Variants in SRGAP3 observed in about 807,000 individuals in gnomAD.
SRGAP3 encodes the protein SLIT-ROBO Rho GTPase activating protein 3, also known as SLIT-ROBO Rho GTPase-activating protein 3.
A neutral mutation model predicts 121.1 loss-of-function variants in SRGAP3; 39 were observed. The ratio of observed to expected loss-of-function variants is 0.32; its 90% confidence interval spans 0.25 to 0.42. The LOEUF (loss-of-function observed/expected upper bound fraction) is 0.42. Ranked by LOEUF, SRGAP3 falls within the 10% of genes least tolerant of loss-of-function variation. The pLI is 1.00. For missense variants in SRGAP3, 1,213 were observed against 1,470.6 expected, an observed-to-expected ratio of 0.82 and a Z score of 2.86; for synonymous variants, 601 against 570.0, an observed-to-expected ratio of 1.05 and a Z score of -0.77.
At chr3:9,104,116 CA>C (rs1213918498) in intron 3 of SRGAP3, among the ~76,000 whole-genome samples, 1 of 152,022 alleles carries the variant, frequency 6.6e-6, no homozygotes, top group Non-Finnish European at 1.5e-5. Flanking sequence ...TGTAATCATT[CA>C]AAATGTTATA....
intron 1 of SRGAP3, among the ~76,000 whole-genome samples, chr3:9,126,020 C>T (rs540830969): frequency 2.6e-5 from 4 of 152,290 alleles, no homozygotes; most frequent in Non-Finnish European, 4.4e-5. Flanking sequence ...TGGTGGCCAG[C>T]GTCATTTCAG....
chr3:9,116,986 C>T (rs1948828774), intron 2 of SRGAP3, among the ~76,000 whole-genome samples: 3 of 152,186 alleles, frequency 2.0e-5, no homozygotes, highest in Non-Finnish European at 4.4e-5. Context: ...GTGTGGGGTG[C>T]TTGGAAGAGT....
chr3:9,132,457 T>C (rs1349235253), intron 1 of SRGAP3, among the ~76,000 whole-genome samples: 1 of 152,226 alleles, frequency 6.6e-6, no homozygotes, highest in Non-Finnish European at 1.5e-5. Flanking sequence ...CCTAATCTTC[T>C]TACTGTCTCT....
At chr3:9,252,318 G>T (rs1414212236), upstream of SRGAP3, among the ~76,000 whole-genome samples, 1 of 151,966 alleles carries the variant, frequency 6.6e-6, no homozygotes, top group Non-Finnish European at 1.5e-5. Flanking sequence ...TTCTCAAGAT[G>T]GGGGTCTCAC....
intron 1 of SRGAP3, among the ~76,000 whole-genome samples, chr3:9,149,083 A>G (rs537797631): frequency 1.3e-4 from 20 of 152,028 alleles, no homozygotes; most frequent in Non-Finnish European, 2.4e-4. Context: ...GCGTGGTGGC[A>G]GGCGCCTGTA....
At chr3:9,038,348 G>A (rs748727689) in intron 10 of SRGAP3, among the ~76,000 whole-genome samples, 7 of 152,158 alleles carry the variant, frequency 4.6e-5, no homozygotes, top group African/African-American at 1.4e-4. Context: ...ACTACAGCCC[G>A]CTGACCACTT....
chr3:9,319,977 C>G (rs189187395), intron 3 of SRGAP3, among the ~76,000 whole-genome samples: 1 of 151,936 alleles, frequency 6.6e-6, no homozygotes, highest in East Asian at 1.9e-4. Context: ...GAGAACAAAG[C>G]TGGTCTCATC....
chr3:9,209,823 A>G (rs1171743454), intron 1 of SRGAP3, among the ~76,000 whole-genome samples: 1 of 152,266 alleles, frequency 6.6e-6, no homozygotes, highest in Non-Finnish European at 1.5e-5. Flanking sequence ...GCCTATGTAC[A>G]CATAGAGATT....
At chr3:9,090,045 A>C (rs964190903) in intron 3 of SRGAP3, among the ~76,000 whole-genome samples, 2 of 152,116 alleles carry the variant, frequency 1.3e-5, no homozygotes, top group South Asian at 2.1e-4. Flanking sequence ...GGACTTCATC[A>C]GTTTACAGGA....
intron 1 of SRGAP3, among the ~76,000 whole-genome samples, chr3:9,238,020 A>G (rs1415457540): frequency 1.3e-5 from 2 of 152,180 alleles, no homozygotes; most frequent in Non-Finnish European, 2.9e-5. Flanking sequence ...GATTGTCACA[A>G]CTGGGAGCAG....
chr3:9,328,676 T>C (rs77317528), intron 2 of SRGAP3, among the ~76,000 whole-genome samples: 9,405 of 152,204 alleles, frequency 0.062, 350 homozygotes, highest in African/African-American at 0.11. Context: ...GAGAAGAGAA[T>C]AGACAAGGTC....
intron 3 of SRGAP3, among the ~76,000 whole-genome samples, chr3:9,273,510 C>T (rs975348507): frequency 9.2e-5 from 14 of 151,970 alleles, no homozygotes; most frequent in Middle Eastern, 3.4e-3. Context: ...CCCTCTCAGA[C>T]ATAAGATTTG....
chr3:9,147,907 C>T (rs755203316), intron 1 of SRGAP3, among the ~76,000 whole-genome samples: 5 of 152,200 alleles, frequency 3.3e-5, no homozygotes, highest in Admixed American at 6.5e-5. Flanking sequence ...TGTCACCACA[C>T]TCTGGCCTCT....
intron 1 of SRGAP3, among the ~76,000 whole-genome samples, chr3:9,181,147 G>C (rs1454938305): frequency 1.3e-5 from 2 of 152,124 alleles, no homozygotes; most frequent in Non-Finnish European, 2.9e-5. Context: ...TACTTCTCAG[G>C]GCTGCTGAGA....
At chr3:9,205,209 TA>T (rs1952221982) in intron 1 of SRGAP3, among the ~76,000 whole-genome samples, 1 of 152,216 alleles carries the variant, frequency 6.6e-6, no homozygotes, top group African/African-American at 2.4e-5. Flanking sequence ...ACTAAAAAAT[TA>T]AAAAGGGGTA....
At chr3:9,241,590 C>T (rs1953640012) in intron 1 of SRGAP3, among the ~76,000 whole-genome samples, 2 of 152,198 alleles carry the variant, frequency 1.3e-5, no homozygotes, top group Admixed American at 1.3e-4. Flanking sequence ...CCCAGTGAAA[C>T]CTCTACTTTC....
chr3:9,047,924 G>A (rs1945371358), intron 9 of SRGAP3, among the ~76,000 whole-genome samples: 1 of 152,244 alleles, frequency 6.6e-6, no homozygotes, highest in Non-Finnish European at 1.5e-5. Context: ...AGGAGCCTCG[G>A]AACGAGTCTT....
rs1217111978 is a variant in SRGAP3 at position 8,985,619 on chromosome 3, C to A, written c.3200G>T (p.Arg1067Leu). 4 of 1,595,874 alleles carry A rather than the reference C, an allele frequency of 2.5e-6. No individual in the cohort carries two copies. Among genetic ancestry groups the A allele is most frequent in the Non-Finnish European group, 3.4e-6 (4 of 1,178,052 alleles). Reference sequence around the variant, plus strand: ...GCCCGAGCTGCTGCTGCTGCTGGACCGGTGCTGGACCACCGGCCGCACGGG... The same window carrying A: ...GCCCGAGCTGCTGCTGCTGCTGGACAGGTGCTGGACCACCGGCCGCACGGG... ...MRPVRPVVQH[R>L]SSSSSSSGVG... is the part of the protein sequence containing the mutation. The change falls in exon 22 of 22, where the codon CGG becomes CTG. Residue 1067 changes from arginine to leucine, a missense_variant. Transcript: ENST00000383836. This position sits in a 1 kb window ranked among gnomAD's most constrained non-coding sequence, Gnocchi z 5.1.
intron 11 of SRGAP3, chr3:9,035,225 G>A (rs1413832901): frequency 6.5e-6 from 1 of 152,722 alleles, no homozygotes; most frequent in African/African-American, 2.4e-5. Flanking sequence ...AGCAGGTGTT[G>A]GACACTCAAT....
Sources: gnomAD v4.1 joint callset for allele counts (sites outside exome capture counted in the v4.1 genomes callset) on GRCh38, gnomAD v4.1.1 for gene constraint, Gnocchi (gnomAD v3.1) non-coding constraint, MANE v1.5 for transcripts, NCBI Gene and HGNC (gene_info 2026-07-23, HGNC 2026-07-21) for gene names.